FSHR: variants seen among roughly 807,000 people sequenced by gnomAD.
FSHR encodes the protein follicle stimulating hormone receptor.
Under a neutral mutation model 52.1 loss-of-function variants are expected in FSHR, and 46 were observed. The observed-to-expected ratio is 0.88, with a 90% CI of 0.70 to 1.13. The LOEUF (loss-of-function observed/expected upper bound fraction) is 1.13, where lower values mean the gene tolerates loss of function less well. Ranked by LOEUF, FSHR falls within the 50% of genes most tolerant of loss-of-function variation. The probability of loss-of-function intolerance (pLI) is 0.00; values close to 1 mark genes in which losing one functional copy is unlikely to be tolerated. For synonymous variants in FSHR, 399 were observed against 309.6 expected (o/e 1.29, Z -3.03); for missense variants, 964 against 834.6 (o/e 1.16, Z -1.91).
rs184157172 is a variant in FSHR at position 49,086,748 on chromosome 2, C to G, written c.153-18458G>C. 3.8e-3 allele frequency among the ~76,000 whole-genome samples: 585 copies of G among 152,314 alleles called. 4 individuals are homozygous for G. Among genetic ancestry groups the G allele is most frequent in the African/African-American group, 0.013 (539 of 41,576 alleles). On this transcript the variant is annotated intron_variant, in intron 1 of 9. Transcript: ENST00000406846. ...CTCCACATGCCAGGTTCAAGTGATT[C>G]TCCCACCTCAGCCTCCCAGGTAGCT...
intron 4 of FSHR, 27 bp downstream of exon 4, chr2:49,017,462 G>A (rs1194250395): frequency 2.6e-6 from 4 of 1,548,706 alleles, no homozygotes; most frequent in South Asian, 1.1e-5. Flanking sequence ...AATCATAGTG[G>A]GGGTACCAAA....
chr2:49,107,972 G>T (rs1671291091), intron 1 of FSHR, among the ~76,000 whole-genome samples: 3 of 152,124 alleles, frequency 2.0e-5, no homozygotes, highest in Non-Finnish European at 4.4e-5. Context: ...ACCAAGAGAT[G>T]CCCAGTGCAA....
In FSHR at chr2:48,983,684, G is replaced by A. The variant is rs114344232; in HGVS notation, c.525-518C>T. Among the ~76,000 whole-genome samples, 583 of 152,318 alleles carry A rather than the reference G, an allele frequency of 3.8e-3. 1 individual carries two copies. Among genetic ancestry groups the A allele is most frequent in the African/African-American group, 0.013 (544 of 41,576 alleles). ...ATCTAATTAAGTTGTCAGACAACCTGAACATCTCCTGTGACCCATAGGGAC... is the reference window on the plus strand; with the variant it reads ...ATCTAATTAAGTTGTCAGACAACCTAAACATCTCCTGTGACCCATAGGGAC... On this transcript the variant is annotated intron_variant, in intron 6 of 9. Coordinates refer to ENST00000406846, the MANE Select transcript of FSHR (RefSeq NM_000145.4).
intron 2 of FSHR, among the ~76,000 whole-genome samples, chr2:49,025,341 G>A (rs1048128551): frequency 1.3e-5 from 2 of 152,198 alleles, no homozygotes; most frequent in African/African-American, 4.8e-5. Flanking sequence ...CTCAGTGAGA[G>A]TAGTATTCTA....
Position 48,982,963 on chromosome 2 carries a change from A to C in FSHR, c.617T>G (p.Leu206Ter). The C allele has an allele frequency of 6.2e-7, 1 of 1,614,098 alleles. No individual in the cohort carries two copies. The highest frequency in any genetic ancestry group is 1.7e-5 in the Admixed American group (1 of 60,022). ...GAAAACATCATTAGGCAATTCTTCT[A>C]AATTATTATTATCGCTTAGATTCCT... Reference protein sequence around the residue: ...DELNLSDNNNLEELPNDVFHG... With the variant: ...DELNLSDNNN The change falls in exon 8 of 10, where the codon TTA becomes TGA. Residue 206 changes from leucine to a stop codon, truncating the protein, a stop_gained. Coordinates refer to ENST00000406846, the MANE Select transcript of FSHR (RefSeq NM_000145.4). LOFTEE classifies it high-confidence loss of function.
chr2:49,011,154 T>G (rs1329749331), intron 4 of FSHR, among the ~76,000 whole-genome samples: 8 of 151,430 alleles, frequency 5.3e-5, no homozygotes, highest in African/African-American at 1.9e-4. Context: ...CTGCTTTCTC[T>G]TGTGGGCATT....
At position 49,101,014 on chromosome 2, in the gene FSHR, GT is replaced by G. The variant is rs145527599; in HGVS notation, c.153-32725del. ...AAAATGGCAAGTGCATCAAAGAGATGTAATAAGATAAAAACTGAAACATATG... is the reference window on the plus strand; with the variant it reads ...AAAATGGCAAGTGCATCAAAGAGATGAATAAGATAAAAACTGAAACATATG... On this transcript the variant is annotated intron_variant, in intron 1 of 9. Transcript: ENST00000406846. 2.8e-3 allele frequency among the ~76,000 whole-genome samples: 419 copies of G among 152,278 alleles called. 1 individual carries two copies. The highest frequency in any genetic ancestry group is 4.6e-3 in the Non-Finnish European group (316 of 68,004).
intron 1 of FSHR, among the ~76,000 whole-genome samples, chr2:49,149,521 G>A (rs926472882): frequency 6.6e-6 from 1 of 152,072 alleles, no homozygotes; most frequent in Non-Finnish European, 1.5e-5. Flanking sequence ...TCTGTGGAAT[G>A]TTAATCCTCA....
intron 2 of FSHR, among the ~76,000 whole-genome samples, chr2:49,025,754 A>G (rs960901578): frequency 2.0e-5 from 3 of 152,146 alleles, no homozygotes; most frequent in African/African-American, 7.2e-5. Flanking sequence ...AACCTCACCT[A>G]TAGAATCATT....
At chr2:49,098,521 T>C (rs1449234541) in intron 1 of FSHR, among the ~76,000 whole-genome samples, 1 of 151,726 alleles carries the variant, frequency 6.6e-6, no homozygotes, top group Non-Finnish European at 1.5e-5. Context: ...GAACTATCTG[T>C]GGGAGGTGGC....
At chr2:49,134,316 G>A (rs1672406403) in intron 1 of FSHR, among the ~76,000 whole-genome samples, 1 of 152,184 alleles carries the variant, frequency 6.6e-6, no homozygotes, top group Non-Finnish European at 1.5e-5. Context: ...AAGAAGAAAT[G>A]CTCATCATCA....
At chr2:49,053,553 T>C (rs186491548) in intron 2 of FSHR, among the ~76,000 whole-genome samples, 11 of 152,320 alleles carry the variant, frequency 7.2e-5, no homozygotes, top group Admixed American at 7.2e-4. Context: ...GAGAGTTTAA[T>C]GATTTCTTTT....
chr2:49,012,977 G>A (rs1164706262), intron 4 of FSHR, among the ~76,000 whole-genome samples: 1 of 152,094 alleles, frequency 6.6e-6, no homozygotes, highest in African/African-American at 2.4e-5. Context: ...AAGGTTAAAT[G>A]AGGTCATAAG....
chr2:49,078,071 G>T (rs1378796879), intron 1 of FSHR, among the ~76,000 whole-genome samples: 1 of 152,054 alleles, frequency 6.6e-6, no homozygotes, highest in African/African-American at 2.4e-5. Context: ...CACTCTACTG[G>T]TACAAATTTA....
chr2:49,142,142 G>C (rs12996623), intron 1 of FSHR, among the ~76,000 whole-genome samples: 45,590 of 152,038 alleles, frequency 0.3, 7,208 homozygotes, highest in East Asian at 0.47. Flanking sequence ...TGTTTACTCT[G>C]TGCTGGGGAC....
intron 1 of FSHR, among the ~76,000 whole-genome samples, chr2:49,091,087 C>T (rs1670590797): frequency 6.6e-6 from 1 of 151,296 alleles, no homozygotes; most frequent in Non-Finnish European, 1.5e-5. Context: ...TTGATAGTAG[C>T]TTACATAGAA....
At chr2:49,064,933 T>C (rs1262894354) in intron 2 of FSHR, among the ~76,000 whole-genome samples, 2 of 152,114 alleles carry the variant, frequency 1.3e-5, no homozygotes, top group Non-Finnish European at 2.9e-5. Flanking sequence ...TGAAGTGAAA[T>C]TTTAGACAGA....
At chr2:49,021,886 T>G (rs62165295) in intron 2 of FSHR, among the ~76,000 whole-genome samples, 1,798 of 24,918 alleles carry the variant, frequency 0.072, 81 homozygotes, top group Non-Finnish European at 0.092. Flanking sequence ...TATATATATA[T>G]AGAGAGAGAG....
At chr2:49,086,865 C>T (rs965468659) in intron 1 of FSHR, among the ~76,000 whole-genome samples, 9 of 152,082 alleles carry the variant, frequency 5.9e-5, no homozygotes, top group African/African-American at 2.2e-4. Context: ...AACTCCTGAT[C>T]TCAGGTGATC....
Sources: allele counts gnomAD v4.1 joint callset (sites outside exome capture counted in the v4.1 genomes callset), GRCh38; gene constraint gnomAD v4.1.1; transcripts MANE v1.5; gene names NCBI Gene and HGNC (gene_info 2026-07-23, HGNC 2026-07-21).